The following DIAPH3 variants were observed in gnomAD, a reference collection of about 807,000 sequenced individuals.
DIAPH3 encodes diaphanous related formin 3.
DIAPH3 carries 117 observed loss-of-function variants against 144.3 expected under a neutral mutation model. The ratio of observed to expected loss-of-function variants is 0.81; its 90% confidence interval spans 0.70 to 0.95. The LOEUF is 0.95. Ranked by LOEUF, DIAPH3 falls within the 40% of genes least tolerant of loss-of-function variation. The pLI, the probability that DIAPH3 is intolerant of heterozygous loss-of-function variation, is 0.00. For synonymous variants in DIAPH3, 519 were observed against 488.9 expected (o/e 1.06, Z -0.81); for missense variants, 1,421 against 1,412.7 (o/e 1.01, Z -0.09).
chr13:60,051,480 C>T (rs1020756996), intron 4 of DIAPH3, among the ~76,000 whole-genome samples: 2 of 151,996 alleles, frequency 1.3e-5, no homozygotes, highest in Non-Finnish European at 2.9e-5. Context: ...ATTAGCCAGG[C>T]GTGGTGGCAC....
At chr13:59,788,407 GC>G in intron 25 of DIAPH3, among the ~76,000 whole-genome samples, 1 of 152,136 alleles carries the variant, frequency 6.6e-6, no homozygotes, top group African/African-American at 2.4e-5. Flanking sequence ...ATCGCTTGAG[GC>G]CAGGAGTTTC....
chr13:60,114,574 T>C (rs534723062), intron 2 of DIAPH3, among the ~76,000 whole-genome samples: 17 of 151,694 alleles, frequency 1.1e-4, no homozygotes, highest in African/African-American at 3.9e-4. Context: ...TTTTCCAAAA[T>C]TGATTACATA....
At chr13:59,707,830 T>C (rs2034512792) in intron 27 of DIAPH3, among the ~76,000 whole-genome samples, 1 of 152,106 alleles carries the variant, frequency 6.6e-6, no homozygotes, top group Non-Finnish European at 1.5e-5. Flanking sequence ...CATGCTCCAA[T>C]AAGGCCAACT....
rs141894343 is a variant in DIAPH3 at position 59,702,517 on chromosome 13, C to T, written c.3320-35671G>A. On this transcript the variant is annotated intron_variant, in intron 27 of 27. Transcript: ENST00000400324. ...TTCTGAAAATCAGCTTTAGAACACA[C>T]GCACACAAACCTTCCCTGACCTTTC... 1.3e-3 allele frequency among the ~76,000 whole-genome samples: 196 copies of T among 152,246 alleles called. 1 individual carries two copies. Among genetic ancestry groups the T allele is most frequent in the African/African-American group, 4.4e-3 (182 of 41,552 alleles).
At chr13:59,838,244 T>C (rs2042142625) in intron 23 of DIAPH3, 1 of 152,092 alleles carries the variant, frequency 6.6e-6, no homozygotes, top group South Asian at 2.1e-4. Flanking sequence ...CATAAAATGG[T>C]TTGCAAAGCA....
At chr13:60,117,841 C>G (rs1249765707) in intron 2 of DIAPH3, among the ~76,000 whole-genome samples, 1 of 152,008 alleles carries the variant, frequency 6.6e-6, no homozygotes, top group Non-Finnish European at 1.5e-5. Flanking sequence ...GGCAATTTGG[C>G]TGGGGGTTGT....
At chr13:59,675,658 A>G (rs1224522551) in intron 27 of DIAPH3, among the ~76,000 whole-genome samples, 1 of 152,186 alleles carries the variant, frequency 6.6e-6, no homozygotes, top group Non-Finnish European at 1.5e-5. Context: ...AATTTTTACA[A>G]CAATCCCAAA....
chr13:59,791,000 G>T, intron 25 of DIAPH3, among the ~76,000 whole-genome samples: 1 of 152,202 alleles, frequency 6.6e-6, no homozygotes, highest in African/African-American at 2.4e-5. Flanking sequence ...AGATGAGTCT[G>T]TCTCTGTTGC....
chr13:60,097,216 A>T (rs539303552), intron 3 of DIAPH3, among the ~76,000 whole-genome samples: 13 of 152,314 alleles, frequency 8.5e-5, no homozygotes, highest in Admixed American at 7.8e-4. Context: ...TTTGGATGTT[A>T]TCCCATGCAA....
intron 4 of DIAPH3, among the ~76,000 whole-genome samples, chr13:60,061,214 G>A (rs2056757479): frequency 6.6e-6 from 1 of 152,022 alleles, no homozygotes; most frequent in Non-Finnish European, 1.5e-5. Flanking sequence ...TGGAAGAGCT[G>A]GTGTGTTTTA....
intron 20 of DIAPH3, among the ~76,000 whole-genome samples, chr13:59,883,250 T>C (rs1416559858): frequency 6.6e-6 from 1 of 152,174 alleles, no homozygotes; most frequent in African/African-American, 2.4e-5. Flanking sequence ...CAAAATCTCA[T>C]TATGGTTCTA....
At chr13:59,918,253 G>C (rs2047330411) in intron 18 of DIAPH3, among the ~76,000 whole-genome samples, 1 of 145,136 alleles carries the variant, frequency 6.9e-6, no homozygotes, top group African/African-American at 2.5e-5. Flanking sequence ...CTGTCCACTT[G>C]AAAAAAAAGA....
At chr13:59,912,351 TA>T (rs1481411044) in intron 19 of DIAPH3, among the ~76,000 whole-genome samples, 2 of 152,110 alleles carry the variant, frequency 1.3e-5, no homozygotes, top group Admixed American at 1.3e-4. Flanking sequence ...GTTTTAATAA[TA>T]AAAACTGAAG....
At chr13:59,941,086 G>C (rs746023083) in intron 17 of DIAPH3, among the ~76,000 whole-genome samples, 7 of 152,142 alleles carry the variant, frequency 4.6e-5, no homozygotes, top group Non-Finnish European at 8.8e-5. Context: ...CCTGAGCACT[G>C]AGTATAAAAT....
chr13:59,774,039 G>A (rs527926812), intron 27 of DIAPH3, 150 bp downstream of exon 27: 11 of 733,844 alleles, frequency 1.5e-5, no homozygotes, highest in Middle Eastern at 3.7e-4. Flanking sequence ...ATACGAGTAC[G>A]CAATCTCATA....
chr13:59,774,877 G>A, intron 25 of DIAPH3, 54 bp from the exon 26 acceptor site: 1 of 1,456,982 alleles, frequency 6.9e-7, no homozygotes, highest in African/African-American at 1.4e-5. Context: ...CCATAGCAAT[G>A]TCAAAGCATA....
At position 59,729,808 on chromosome 13, in the gene DIAPH3, A is replaced by AT. The variant is rs202135165; in HGVS notation, c.3319+44380dup. Among the ~76,000 whole-genome samples, 18 of 115,176 alleles carry AT rather than the reference A, an allele frequency of 1.6e-4. 6 individuals carry two copies. Among genetic ancestry groups the AT allele is most frequent in the Non-Finnish European group, 2.0e-4 (12 of 58,812 alleles). The allele number at this position is 115,176 out of a possible 152,430, so 75.6% of individuals were successfully genotyped here. A position where few individuals can be genotyped will look rare whatever the true frequency, so the allele number is the denominator to read the frequency against. On this transcript the variant is annotated intron_variant, in intron 27 of 27. Coordinates refer to ENST00000400324, the MANE Select transcript of DIAPH3 (RefSeq NM_001042517.2). ...TTTGTGACTTCCGGTGAATACATTA[A>AT]TATTTTTTTTTTTTTTTTTTTGAGA...
chr13:60,133,405 A>C (rs2059191872), intron 1 of DIAPH3, among the ~76,000 whole-genome samples: 1 of 152,132 alleles, frequency 6.6e-6, no homozygotes, highest in African/African-American at 2.4e-5. Context: ...TTTTTCAGAA[A>C]ATTTTTCATA....
chr13:60,029,248 A>G (rs1398881295), intron 5 of DIAPH3, among the ~76,000 whole-genome samples: 2 of 151,890 alleles, frequency 1.3e-5, no homozygotes, highest in African/African-American at 4.8e-5. Flanking sequence ...TTCCACCTCC[A>G]ATTTATCTGC....
Sources: gnomAD v4.1 joint callset for allele counts (sites outside exome capture counted in the v4.1 genomes callset) on GRCh38, gnomAD v4.1.1 for gene constraint, MANE v1.5 for transcripts, NCBI Gene and HGNC (gene_info 2026-07-23, HGNC 2026-07-21) for gene names.